The following EXTL3 variants were observed in gnomAD, a reference collection of about 807,000 sequenced individuals.
EXTL3 encodes the protein exostosin like glycosyltransferase 3, also known as exostosin-like 3.
In EXTL3, 27 loss-of-function variants were observed where a neutral mutation model predicts 69.3. The ratio of observed to expected loss-of-function variants is 0.39; its 90% confidence interval spans 0.29 to 0.54. EXTL3 has a LOEUF of 0.54. Ranked by LOEUF, EXTL3 falls within the 20% of genes least tolerant of loss-of-function variation. The pLI is 0.69. For missense variants in EXTL3, 1,003 were observed against 1,231.8 expected, an observed-to-expected ratio of 0.81 and a Z score of 2.78; for synonymous variants, 511 against 499.4, an observed-to-expected ratio of 1.02 and a Z score of -0.31.
chr8:28,739,776 G>A (rs1801737711), intron 5 of EXTL3: 1 of 152,106 alleles, frequency 6.6e-6, no homozygotes, highest in South Asian at 2.1e-4. Flanking sequence ...GCCTTGTTTG[G>A]ACTGAGGATT....
At chr8:28,640,189 A>G (rs1242061303) in intron 1 of EXTL3, among the ~76,000 whole-genome samples, 1 of 152,222 alleles carries the variant, frequency 6.6e-6, no homozygotes, top group African/African-American at 2.4e-5. Context: ...AATATCCCCA[A>G]TATTACAAAG....
intron 2 of EXTL3, among the ~76,000 whole-genome samples, chr8:28,616,493 G>A (rs944640656): frequency 6.6e-6 from 1 of 152,184 alleles, no homozygotes; most frequent in Non-Finnish European, 1.5e-5. Flanking sequence ...AGGGCGTGGT[G>A]GCGGGCGCCT....
At chr8:28,651,903 A>G (rs904997598) in intron 1 of EXTL3, among the ~76,000 whole-genome samples, 2 of 152,078 alleles carry the variant, frequency 1.3e-5, no homozygotes, top group East Asian at 3.9e-4. Context: ...GTCTCTTCCT[A>G]TATGTGGAAT....
In EXTL3 at chr8:28,717,954, C is replaced by G; in HGVS notation, c.1895C>G (p.Ser632Ter). ...VLPSEAKFLG[S>*]GTGFRPIGGG... ...CCCTCAGAGGCCAAATTCTTGGGCT[C>G]AGGGACTGGCTTTCGGCCTATTGGT... Residue 632 changes from serine to a stop codon, truncating the protein, a stop_gained, in exon 3 of 7, where the codon TCA (serine) becomes TGA (stop). Transcript: ENST00000220562. LOFTEE classifies it high-confidence loss of function. The surrounding 1 kb of genome is among the most constrained non-coding windows in gnomAD (Gnocchi z 8.3). 1 of 1,614,210 alleles carries G rather than the reference C, an allele frequency of 6.2e-7. No homozygotes were observed. The highest frequency in any genetic ancestry group is 8.5e-7 in the Non-Finnish European group (1 of 1,180,038).
chr8:28,671,309 G>GTTT (rs749395423), intron 1 of EXTL3, among the ~76,000 whole-genome samples: 23 of 89,626 alleles, frequency 2.6e-4, no homozygotes, highest in South Asian at 8.5e-4. Context: ...TTTGTTTTTT[G>GTTT]TTTTTTTTTT....
In EXTL3 at chr8:28,704,501, T is replaced by C. The variant is rs75468273; in HGVS notation, c.-570+2842T>C. On this transcript the variant is annotated intron_variant, in intron 1 of 6. Transcript: ENST00000220562. ...CCTTTGGTATATTCCTTCATTTGGCTGTGTCCAATACCTTTTGGACTGGTC... is the reference window on the plus strand; with the variant it reads ...CCTTTGGTATATTCCTTCATTTGGCCGTGTCCAATACCTTTTGGACTGGTC... 2.8e-3 allele frequency among the ~76,000 whole-genome samples: 432 copies of C among 152,334 alleles called. 1 individual carries two copies. Among genetic ancestry groups the C allele is most frequent in the Non-Finnish European group, 4.6e-3 (311 of 68,038 alleles).
chr8:28,681,663 G>C (rs1045298103), intron 1 of EXTL3, among the ~76,000 whole-genome samples: 1 of 152,182 alleles, frequency 6.6e-6, no homozygotes, highest in African/African-American at 2.4e-5. Flanking sequence ...AAATACTACA[G>C]ACGTGCGATT....
chr8:28,656,562 G>T (rs981547265), intron 1 of EXTL3, among the ~76,000 whole-genome samples: 1 of 152,112 alleles, frequency 6.6e-6, no homozygotes, highest in Non-Finnish European at 1.5e-5. Context: ...TAATAAAGGG[G>T]GAAGTTTTTT....
At chr8:28,701,427 G>GCGCGCC (rs568686549), upstream of EXTL3, 17 of 151,938 alleles carry the variant, frequency 1.1e-4, no homozygotes, top group African/African-American at 3.6e-4. Flanking sequence ...AGTGGCGAGC[G>GCGCGCC]CGCGCCCGCG....
upstream of EXTL3, among the ~76,000 whole-genome samples, chr8:28,621,394 T>G (rs1806407668): frequency 6.6e-6 from 1 of 152,142 alleles, no homozygotes; most frequent in Non-Finnish European, 1.5e-5. Flanking sequence ...TTCCTCACAG[T>G]CATCAGAACT....
chr8:28,683,902 A>C (rs951647505), intron 1 of EXTL3, among the ~76,000 whole-genome samples: 14 of 151,490 alleles, frequency 9.2e-5, no homozygotes, highest in Non-Finnish European at 1.9e-4. Flanking sequence ...TTTTGTGCCC[A>C]TTAACCATCC....
In EXTL3 at chr8:28,717,732, G is replaced by A; in HGVS notation, c.1673G>A (p.Gly558Asp). The A allele has an allele frequency of 6.2e-7, 1 of 1,614,222 alleles. No homozygotes were observed. Among genetic ancestry groups the A allele is most frequent in the Non-Finnish European group, 8.5e-7 (1 of 1,180,038 alleles). The stretch of plus-strand genomic sequence containing the variant: ...GCAGCTGAGATCCCCCACCGTTCAG[G>A]CAAGGCGGCTGGAACTGACCCCAAC... ...EAAAEIPHRS[G>D]KAAGTDPNMA... is the part of the protein sequence containing the mutation. Residue 558 changes from glycine (G) to aspartate (D), a missense_variant, in exon 3 of 7, where the codon GGC becomes GAC. This residue lies in a region of EXTL3 where 742 missense variants were observed against 815.4 expected (regional missense o/e 0.91). Coordinates refer to ENST00000220562, the MANE Select transcript of EXTL3 (RefSeq NM_001440.4). The surrounding 1 kb of genome is among the most constrained non-coding windows in gnomAD (Gnocchi z 8.3).
In EXTL3 at chr8:28,751,015, G is replaced by T. The variant is rs959634130; in HGVS notation, c.*149G>T. On this transcript the variant is annotated 3_prime_UTR_variant, in exon 7 of 7. Transcript: ENST00000220562. ...GCAGCAGGAGGAGTGGAAGGAAACCGCTGCCTTTATCTTGAAGTCAGCCAC... is the reference window on the plus strand; with the variant it reads ...GCAGCAGGAGGAGTGGAAGGAAACCTCTGCCTTTATCTTGAAGTCAGCCAC... 1.0e-5 allele frequency: 7 copies of T among 688,026 alleles called. No individual in the cohort carries two copies. Among genetic ancestry groups the T allele is most frequent in the Non-Finnish European group, 1.7e-5 (7 of 404,062 alleles). The allele number at this position is 688,026 out of a possible 1,614,324, so 42.6% of individuals were successfully genotyped here. A position where few individuals can be genotyped will look rare whatever the true frequency, so the allele number is the denominator to read the frequency against.
At chr8:28,741,309 T>C (rs987839940) in intron 5 of EXTL3, 2 of 152,254 alleles carry the variant, frequency 1.3e-5, no homozygotes, top group Non-Finnish European at 2.9e-5. Flanking sequence ...AAAAGGCAGT[T>C]CTTATTGTTA....
chr8:28,718,838 G>A (rs911618004), intron 3 of EXTL3, among the ~76,000 whole-genome samples: 2 of 152,154 alleles, frequency 1.3e-5, no homozygotes, highest in African/African-American at 4.8e-5. Flanking sequence ...ACCTTCCAGG[G>A]TGTCTTGTAG....
chr8:28,713,427 T>A, intron 1 of EXTL3, 30 bp from the exon 2 acceptor site: 2 of 674,158 alleles, frequency 3.0e-6, no homozygotes, highest in Non-Finnish European at 5.3e-6. Flanking sequence ...ACTGTTCTAT[T>A]TTTGTTTTTT....
At chr8:28,633,702 TTC>T (rs1585222874) in intron 1 of EXTL3, among the ~76,000 whole-genome samples, 1 of 152,186 alleles carries the variant, frequency 6.6e-6, no homozygotes, top group South Asian at 2.1e-4. Context: ...TTTATAAGGT[TTC>T]CTTGGAACAC....
chr8:28,730,823 A>T (rs1489691358), intron 3 of EXTL3, among the ~76,000 whole-genome samples: 7 of 152,120 alleles, frequency 4.6e-5, no homozygotes. Context: ...CAGACTCATG[A>T]GGTTTCTGAG....
chr8:28,722,441 G>A (rs1488735474), intron 3 of EXTL3, among the ~76,000 whole-genome samples: 1 of 152,208 alleles, frequency 6.6e-6, no homozygotes, highest in East Asian at 1.9e-4. Context: ...CAAGGTCTCT[G>A]TGGAAGTGAT....
Sources: gnomAD v4.1 joint callset for allele counts (sites outside exome capture counted in the v4.1 genomes callset) on GRCh38, gnomAD v4.1.1 for gene constraint, gnomAD v4.1.1 regional missense constraint, Gnocchi (gnomAD v3.1) non-coding constraint, MANE v1.5 for transcripts, NCBI Gene and HGNC (gene_info 2026-07-23, HGNC 2026-07-21) for gene names.